Variants in NRXN1 observed in about 807,000 individuals in gnomAD.
NRXN1 encodes the protein neurexin-1.
NRXN1 carries 39 observed loss-of-function variants against 150.9 expected under a neutral mutation model. That is an observed-to-expected ratio of 0.26 (90% CI 0.20 to 0.34). The LOEUF (loss-of-function observed/expected upper bound fraction) is 0.34, where lower values mean the gene tolerates loss of function less well. Ranked by LOEUF, NRXN1 falls within the 10% of genes least tolerant of loss-of-function variation. NRXN1 has a pLI of 1.00. For missense variants in NRXN1, 1,815 were observed against 1,949.9 expected, an observed-to-expected ratio of 0.93 and a Z score of 1.30; for synonymous variants, 924 against 757.0, an observed-to-expected ratio of 1.22 and a Z score of -3.62.
chr2:50,308,241 T>G (rs1212601463), intron 17 of NRXN1, among the ~76,000 whole-genome samples: 1 of 152,194 alleles, frequency 6.6e-6, no homozygotes, highest in Non-Finnish European at 1.5e-5. Flanking sequence ...TGTATACTTT[T>G]ACTAATATCT....
chr2:50,495,530 C>CTAATAAGCTCTA (rs1194619477), intron 15 of NRXN1, among the ~76,000 whole-genome samples: 2 of 151,928 alleles, frequency 1.3e-5, no homozygotes, highest in Non-Finnish European at 2.9e-5. Context: ...GGAAAGAAAA[C>CTAATAAGCTCTA]TAATAAGCTC....
chr2:50,642,823 T>C (rs1684264126), intron 5 of NRXN1, among the ~76,000 whole-genome samples: 1 of 151,950 alleles, frequency 6.6e-6, no homozygotes, highest in African/African-American at 2.4e-5. Flanking sequence ...TTACTAGACA[T>C]TTTTATTCTT....
rs181578093 is a variant in NRXN1 at position 49,940,458 on chromosome 2, T to C, written c.4216+3246A>G. 3.3e-5 allele frequency among the ~76,000 whole-genome samples: 5 copies of C among 152,194 alleles called. No individual in the cohort carries two copies. The East Asian group carries it at 9.6e-4, about 29-fold the overall frequency. On this transcript the variant is annotated intron_variant, in intron 22 of 22. Transcript: ENST00000401669. The stretch of plus-strand genomic sequence containing the variant: ...TATTATTTTATGTTTGCATTCAAGA[T>C]GGATTGCAAGCAGGAAAAAGAAATT...
At chr2:50,152,152 CTCTT>C (rs1171312144) in intron 18 of NRXN1, among the ~76,000 whole-genome samples, 3 of 151,706 alleles carry the variant, frequency 2.0e-5, no homozygotes, top group African/African-American at 7.3e-5. Context: ...ATCTCAATAA[CTCTT>C]TCTATCTGGC....
chr2:50,786,313 C>A (rs1484407171), intron 5 of NRXN1, among the ~76,000 whole-genome samples: 5 of 152,022 alleles, frequency 3.3e-5, no homozygotes, highest in African/African-American at 1.2e-4. Context: ...ACCAAAAAAT[C>A]TGTTTTTATT....
intron 2 of NRXN1, among the ~76,000 whole-genome samples, chr2:51,019,855 T>A (rs189859124): frequency 2.6e-4 from 40 of 151,922 alleles, no homozygotes; most frequent in Non-Finnish European, 3.7e-4. Context: ...TAAAACAGAG[T>A]ACTTTCTCTG....
intron 18 of NRXN1, among the ~76,000 whole-genome samples, chr2:50,150,642 A>T (rs2058642423): frequency 6.6e-6 from 1 of 151,832 alleles, no homozygotes; most frequent in Non-Finnish European, 1.5e-5. Context: ...AGAATCATTT[A>T]GGAATTAGGT....
At chr2:50,967,274 TTC>T (rs1319627648) in intron 2 of NRXN1, among the ~76,000 whole-genome samples, 1 of 152,002 alleles carries the variant, frequency 6.6e-6, no homozygotes, top group Non-Finnish European at 1.5e-5. Context: ...TTTATATGAA[TTC>T]TTTTATCATT....
chr2:50,936,065 T>C (rs1467259065), intron 2 of NRXN1, among the ~76,000 whole-genome samples: 1 of 152,168 alleles, frequency 6.6e-6, no homozygotes, highest in Non-Finnish European at 1.5e-5. Flanking sequence ...CTCAATTTCC[T>C]AATGAATAAC....
At chr2:50,119,379 G>A (rs923800996) in intron 18 of NRXN1, among the ~76,000 whole-genome samples, 5 of 152,050 alleles carry the variant, frequency 3.3e-5, no homozygotes, top group Non-Finnish European at 5.9e-5. Flanking sequence ...TTTGGAAAAT[G>A]TAAGGAGATA....
chr2:50,686,159 A>C (rs960513812), intron 5 of NRXN1, among the ~76,000 whole-genome samples: 48 of 152,128 alleles, frequency 3.2e-4, no homozygotes, highest in African/African-American at 1.1e-3. Flanking sequence ...GAAACAAACA[A>C]ACAAAAAACT....
intron 17 of NRXN1, among the ~76,000 whole-genome samples, chr2:50,273,479 G>A (rs929393912): frequency 1.3e-5 from 2 of 152,066 alleles, no homozygotes; most frequent in Non-Finnish European, 2.9e-5. Flanking sequence ...GATCTGGATG[G>A]TTTGTGTTTT....
intron 5 of NRXN1, among the ~76,000 whole-genome samples, chr2:50,786,648 C>T (rs1705159845): frequency 6.6e-6 from 1 of 152,044 alleles, no homozygotes; most frequent in African/African-American, 2.4e-5. Context: ...AATTTTGATC[C>T]GAGACACATC....
At chr2:50,040,664 T>C (rs1019352886) in intron 21 of NRXN1, among the ~76,000 whole-genome samples, 19 of 152,262 alleles carry the variant, frequency 1.2e-4, no homozygotes, top group Admixed American at 5.9e-4. Context: ...GATTTGTTTT[T>C]ATGTGCTTGC....
chr2:50,799,122 GA>G (rs950977105), intron 5 of NRXN1, among the ~76,000 whole-genome samples: 6 of 152,046 alleles, frequency 3.9e-5, no homozygotes, highest in African/African-American at 7.2e-5. Flanking sequence ...TGTTGGACAT[GA>G]AAAAAATAAT....
chr2:50,338,761 C>T (rs2077355803), intron 17 of NRXN1, among the ~76,000 whole-genome samples: 1 of 151,312 alleles, frequency 6.6e-6, no homozygotes, highest in South Asian at 2.1e-4. Flanking sequence ...TCAAAATGTG[C>T]TCATCGGTTA....
chr2:50,783,325 T>C (rs1256134311), intron 5 of NRXN1, among the ~76,000 whole-genome samples: 2 of 152,050 alleles, frequency 1.3e-5, no homozygotes, highest in African/African-American at 4.8e-5. Flanking sequence ...TCAGCCAGCA[T>C]GGGGATTCTG....
At position 50,805,222 on chromosome 2, in the gene NRXN1, T is replaced by TA. The variant is rs113793528; in HGVS notation, c.832+116646dup. Among the ~76,000 whole-genome samples, 375 of 148,244 alleles carry TA rather than the reference T, an allele frequency of 2.5e-3. 4 individuals carry two copies. The highest frequency in any genetic ancestry group is 8.4e-3 in the African/African-American group (340 of 40,522). Reference sequence around the variant, plus strand: ...AATTGCACAAATTACCATGAAAAAGTAAAAAAAAAAGTATTGGGATTTTGT... The same window carrying TA: ...AATTGCACAAATTACCATGAAAAAGTAAAAAAAAAAAGTATTGGGATTTTGT... On this transcript the variant is annotated intron_variant, in intron 5 of 22. Coordinates refer to ENST00000401669, the MANE Select transcript of NRXN1 (RefSeq NM_001330078.2).
chr2:50,496,910 T>C (rs972820327), intron 14 of NRXN1, among the ~76,000 whole-genome samples: 7 of 152,202 alleles, frequency 4.6e-5, no homozygotes, highest in Admixed American at 4.6e-4. Context: ...CACTCTGACA[T>C]AGAATGAAGT....
Sources: allele counts gnomAD v4.1 joint callset (sites outside exome capture counted in the v4.1 genomes callset), GRCh38; gene constraint gnomAD v4.1.1; transcripts MANE v1.5; gene names NCBI Gene and HGNC (gene_info 2026-07-23, HGNC 2026-07-21).